Variants in DHRS2 observed in about 807,000 individuals in gnomAD.
DHRS2 encodes the protein dehydrogenase/reductase 2, also known as dehydrogenase/reductase SDR family member 2, mitochondrial.
DHRS2 carries 29 observed loss-of-function variants against 26.3 expected under a neutral mutation model. That is an observed-to-expected ratio of 1.10 (90% CI 0.82 to 1.50). The LOEUF (loss-of-function observed/expected upper bound fraction) is 1.50, where lower values mean the gene tolerates loss of function less well. Ranked by LOEUF, DHRS2 falls within the 40% of genes most tolerant of loss-of-function variation. The pLI is 0.00. For missense variants in DHRS2, 439 were observed against 367.1 expected, an observed-to-expected ratio of 1.20 and a Z score of -1.60; for synonymous variants, 164 against 151.3, an observed-to-expected ratio of 1.08 and a Z score of -0.62.
chr14:23,642,321 TC>T (rs11350400), intron 4 of DHRS2: 41,486 of 230,864 alleles, frequency 0.18, 4,328 homozygotes, highest in South Asian at 0.3. Context: ...TCTTGCTTTT[TC>T]TTATTTTTCT....
intron 3 of DHRS2, 87 bp downstream of exon 3, chr14:23,639,443 A>G: frequency 6.9e-7 from 1 of 1,446,676 alleles, no homozygotes; most frequent in Non-Finnish European, 9.1e-7. Flanking sequence ...GTGGGTCTAG[A>G]ATATGTCCTG....
rs1191360584 is a variant in DHRS2 at position 23,639,242 on chromosome 14, G to T, written c.204G>T (p.Arg68=). The T allele has an allele frequency of 1.2e-6, 2 of 1,613,842 alleles. No homozygotes were observed. The highest frequency in any genetic ancestry group is 1.7e-6 in the Non-Finnish European group (2 of 1,179,892). The stretch of plus-strand genomic sequence containing the variant: ...GGGCCCACGTGGTCATCAGCAGCCG[G>T]AAGCAGCAGAACGTGGACCGGGCCA... ...RDGAHVVISS[R]KQQNVDRAMA... The change falls in exon 3 of 9, where the codon CGG becomes CGT. Residue 68 remains arginine, a synonymous_variant. Coordinates refer to ENST00000250383, the MANE Select transcript of DHRS2 (RefSeq NM_005794.4).
intron 4 of DHRS2, 31 bp downstream of exon 4, chr14:23,639,926 G>A (rs1232555367): frequency 2.6e-6 from 4 of 1,527,652 alleles, no homozygotes; most frequent in African/African-American, 2.8e-5. Flanking sequence ...AGGCGGCTGA[G>A]GGCCCGATTC....
intron 2 of DHRS2, 29 bp downstream of exon 2, chr14:23,639,033 G>T (rs748612949): frequency 1.9e-6 from 3 of 1,609,000 alleles, no homozygotes; most frequent in Non-Finnish European, 2.5e-6. Context: ...ATGGGTCCTG[G>T]CCCCTCACAG....
At chr14:23,644,293 G>T (rs1890784846) in intron 6 of DHRS2, 116 bp from the exon 7 acceptor site, 3 of 1,559,222 alleles carry the variant, frequency 1.9e-6, no homozygotes, top group African/African-American at 1.4e-5. Flanking sequence ...GGCTGAGCTT[G>T]TCTCCATGTG....
chr14:23,644,259 C>T (rs971908903), intron 6 of DHRS2, 97 bp downstream of exon 6: 3 of 1,558,006 alleles, frequency 1.9e-6, no homozygotes, highest in Non-Finnish European at 1.8e-6. Flanking sequence ...TGGGACAGAC[C>T]CCCACCATCC....
chr14:23,641,029 T>G (rs1002959523), intron 4 of DHRS2: 2 of 152,392 alleles, frequency 1.3e-5, no homozygotes, highest in African/African-American at 4.8e-5. Flanking sequence ...GCCAACAATC[T>G]GACCTTACTT....
At chr14:23,644,211 C>A in intron 6 of DHRS2, 49 bp downstream of exon 6, 1 of 1,601,582 alleles carries the variant, frequency 6.2e-7, no homozygotes, top group Non-Finnish European at 8.6e-7. Flanking sequence ...TGAGGGGCAA[C>A]TTTGTTCTTT....
chr14:23,644,567 T>A, intron 7 of DHRS2, 24 bp downstream of exon 7: 3 of 1,614,152 alleles, frequency 1.9e-6, no homozygotes, highest in Non-Finnish European at 2.5e-6. Context: ...GTGTCTTCCA[T>A]CTCCCAGTCT....
At chr14:23,636,206 A>G (rs945752204), upstream of DHRS2, 6 of 152,304 alleles carry the variant, frequency 3.9e-5, no homozygotes, top group African/African-American at 7.2e-5. Context: ...AAATGCACCA[A>G]TCAGCACTCT....
intron 4 of DHRS2, chr14:23,641,012 G>A (rs184924923): frequency 6.6e-6 from 1 of 152,294 alleles, no homozygotes. Context: ...TGAAGCTGAG[G>A]GCAGATGCCA....
At chr14:23,635,467 T>C (rs1890247503), upstream of DHRS2, among the ~76,000 whole-genome samples, 2 of 152,206 alleles carry the variant, frequency 1.3e-5, no homozygotes, top group South Asian at 4.1e-4. Flanking sequence ...GGTGCACACA[T>C]GACCTCCTGT....
In DHRS2 at chr14:23,638,942, C is replaced by G. The variant is rs142650346; in HGVS notation, c.78C>G (p.Thr26=). 1 of 1,614,120 alleles carries G rather than the reference C, an allele frequency of 6.2e-7. No homozygotes were observed. Residue 26 remains threonine (T), a synonymous_variant, in exon 2 of 9, where the codon ACC becomes ACG. Coordinates refer to ENST00000250383, the MANE Select transcript of DHRS2 (RefSeq NM_005794.4). The stretch of plus-strand genomic sequence containing the variant: ...GGCTTTCTGTGAGGATGAGCAGCAC[C>G]GGGATAGACAGGAAGGGCGTCCTGG... ...CARLSVRMSS[T]GIDRKGVLAN...
At chr14:23,631,320 G>A (rs1194184642) in intron 1 of DHRS2, among the ~76,000 whole-genome samples, 2 of 152,012 alleles carry the variant, frequency 1.3e-5, no homozygotes, top group Admixed American at 6.6e-5. Flanking sequence ...AACTCAAAAG[G>A]GAGGAGGGTA....
chr14:23,642,274 C>A, intron 4 of DHRS2: 1 of 529,708 alleles, frequency 1.9e-6, no homozygotes, highest in Non-Finnish European at 2.4e-6. Context: ...ATGCTCAGTC[C>A]TTATCACATG....
intron 7 of DHRS2, 122 bp downstream of exon 7, chr14:23,644,665 G>T (rs1483974802): frequency 2.0e-6 from 3 of 1,526,944 alleles, no homozygotes; most frequent in Non-Finnish European, 2.7e-6. Flanking sequence ...GGTCCTCATT[G>T]TTCTCTGAAC....
rs922989465 is a variant in DHRS2 at position 23,638,885 on chromosome 14, G to C, written c.21G>C (p.Arg7=). 6.2e-7 allele frequency: 1 copy of C among 1,614,088 alleles called. No individual in the cohort carries two copies. Among genetic ancestry groups the C allele is most frequent in the African/African-American group, 1.3e-5 (1 of 75,046 alleles). The change falls in exon 2 of 9, where the codon CGG becomes CGC. Residue 7 remains arginine (R), a synonymous_variant. Coordinates refer to ENST00000250383, the MANE Select transcript of DHRS2 (RefSeq NM_005794.4). MLSAVA[R]GYQGWFHPCA... is the part of the protein sequence containing the mutation. ...CCACTATGCTGTCAGCAGTTGCCCG[G>C]GGCTACCAGGGCTGGTTTCATCCCT... is the stretch of plus-strand genomic sequence containing the variant.
rs959985481 is a variant in DHRS2, at chr14:23,642,182, G to A, written c.421-970G>A. 10 of 1,019,168 alleles carry A rather than the reference G, an allele frequency of 9.8e-6. No individual in the cohort carries two copies. The East Asian group carries it at 3.8e-4, about 39-fold the overall frequency. The allele number at this position is 1,019,168 out of a possible 1,614,324, so 63.1% of individuals were successfully genotyped here. On this transcript the variant is annotated intron_variant, in intron 4 of 8. Coordinates refer to ENST00000250383, the MANE Select transcript of DHRS2 (RefSeq NM_005794.4). Reference sequence around the variant, plus strand: ...GTCTCCCTGTTTGTATTGGCTGCAGGAAAGCTCAGAGCCAAGTCTGCGATA... The same window carrying A: ...GTCTCCCTGTTTGTATTGGCTGCAGAAAAGCTCAGAGCCAAGTCTGCGATA...
chr14:23,631,881 G>C (rs934630225), upstream of DHRS2, among the ~76,000 whole-genome samples: 2 of 152,188 alleles, frequency 1.3e-5, no homozygotes, highest in Admixed American at 1.3e-4. Flanking sequence ...GAGGGGCTTT[G>C]CATGGGAAGG....
Sources: gnomAD v4.1 joint callset for allele counts (sites outside exome capture counted in the v4.1 genomes callset) on GRCh38, gnomAD v4.1.1 for gene constraint, MANE v1.5 for transcripts, NCBI Gene and HGNC (gene_info 2026-07-23, HGNC 2026-07-21) for gene names.